SGCZ: variants seen among roughly 807,000 people sequenced by gnomAD.
The protein encoded by SGCZ is zeta-sarcoglycan.
Under a neutral mutation model 41.3 loss-of-function variants are expected in SGCZ, and 40 were observed. That is an observed-to-expected ratio of 0.97 (90% CI 0.75 to 1.26). The LOEUF (loss-of-function observed/expected upper bound fraction) is 1.26. Ranked by LOEUF, SGCZ falls within the 50% of genes most tolerant of loss-of-function variation. The pLI is 0.00. For missense variants in SGCZ, 552 were observed against 369.8 expected (o/e 1.49, Z -4.04); for synonymous variants, 206 against 137.5 (o/e 1.50, Z -3.49).
chr8:14,558,267 C>T (rs766044272), intron 1 of SGCZ, among the ~76,000 whole-genome samples: 64 of 152,032 alleles, frequency 4.2e-4, no homozygotes, highest in Non-Finnish European at 7.4e-4. Context: ...CCTGTTGACA[C>T]TATTCCAAAA....
At chr8:14,107,752 T>A (rs1802250932) in intron 6 of SGCZ, among the ~76,000 whole-genome samples, 1 of 152,088 alleles carries the variant, frequency 6.6e-6, no homozygotes, top group South Asian at 2.1e-4. Context: ...AATCCTCTGG[T>A]CTCAGCCTCC....
intron 1 of SGCZ, among the ~76,000 whole-genome samples, chr8:14,792,450 C>G (rs1278301702): frequency 6.6e-6 from 1 of 152,154 alleles, no homozygotes; most frequent in Non-Finnish European, 1.5e-5. Flanking sequence ...TCCATTCATG[C>G]TTCTATCCTC....
At chr8:14,598,823 C>T (rs1805497386) in intron 1 of SGCZ, among the ~76,000 whole-genome samples, 1 of 152,028 alleles carries the variant, frequency 6.6e-6, no homozygotes, top group Admixed American at 6.6e-5. Flanking sequence ...GGCAGTGTAC[C>T]AGCCAAAAAG....
At chr8:14,196,945 GA>G (rs1315744957) in intron 4 of SGCZ, among the ~76,000 whole-genome samples, 2 of 152,142 alleles carry the variant, frequency 1.3e-5, no homozygotes, top group African/African-American at 4.8e-5. Context: ...ATGGATGACG[GA>G]AAGGCATATA....
chr8:14,745,602 G>C (rs1191375865), intron 1 of SGCZ, among the ~76,000 whole-genome samples: 3 of 151,866 alleles, frequency 2.0e-5, no homozygotes, highest in Non-Finnish European at 4.4e-5. Flanking sequence ...AATATATGTA[G>C]ACATATGTGT....
In SGCZ at chr8:14,602,908, A is replaced by T. The variant is rs148500264; in HGVS notation, c.40-47982T>A. ...AGGAAGTAACACTATCAACTAAGGA[A>T]ATGGAGATTTGATAAGCAAGCCATG... On this transcript the variant is annotated intron_variant, in intron 1 of 7. Coordinates refer to ENST00000382080, the MANE Select transcript of SGCZ (RefSeq NM_139167.4). Among the ~76,000 whole-genome samples, 176 of 152,320 alleles carry T rather than the reference A, an allele frequency of 1.2e-3. 2 individuals are homozygous for T. Among genetic ancestry groups the T allele is most frequent in the African/African-American group, 3.5e-3 (147 of 41,576 alleles).
At chr8:14,911,672 A>T (rs749779820) in intron 1 of SGCZ, among the ~76,000 whole-genome samples, 3 of 152,026 alleles carry the variant, frequency 2.0e-5, no homozygotes, top group African/African-American at 4.8e-5. Flanking sequence ...TGTTACAATG[A>T]GAATATATCT....
chr8:14,180,070 GT>G (rs1227633920), intron 4 of SGCZ, among the ~76,000 whole-genome samples: 1 of 152,126 alleles, frequency 6.6e-6, no homozygotes, highest in Non-Finnish European at 1.5e-5. Flanking sequence ...TACCTGCAGG[GT>G]TTTGGTCTCA....
At chr8:14,842,847 A>G (rs975706926) in intron 1 of SGCZ, among the ~76,000 whole-genome samples, 10 of 152,166 alleles carry the variant, frequency 6.6e-5, no homozygotes, top group African/African-American at 2.4e-4. Context: ...TGAAAACGGG[A>G]TGCTCCAGGG....
intron 1 of SGCZ, among the ~76,000 whole-genome samples, chr8:14,916,130 C>T (rs1419915898): frequency 6.6e-6 from 1 of 152,142 alleles, no homozygotes; most frequent in Non-Finnish European, 1.5e-5. Flanking sequence ...TTTTGCGTAG[C>T]AGATAAATTT....
chr8:14,440,329 T>G (rs1376813526), intron 2 of SGCZ, among the ~76,000 whole-genome samples: 5 of 152,118 alleles, frequency 3.3e-5, no homozygotes, highest in Non-Finnish European at 5.9e-5. Flanking sequence ...TCTTTGTTCA[T>G]GTAGCTTAAG....
At chr8:14,903,854 G>T (rs1799044928) in intron 1 of SGCZ, among the ~76,000 whole-genome samples, 1 of 151,922 alleles carries the variant, frequency 6.6e-6, no homozygotes, top group Non-Finnish European at 1.5e-5. Flanking sequence ...AAGTGAAGAG[G>T]ATTTAAATAG....
chr8:14,927,271 C>G (rs1402394539), intron 1 of SGCZ, among the ~76,000 whole-genome samples: 3 of 151,568 alleles, frequency 2.0e-5, no homozygotes, highest in East Asian at 3.9e-4. Flanking sequence ...ACCACGCCCG[C>G]CTAATTTTTT....
chr8:14,216,197 C>A (rs932926024), intron 4 of SGCZ, among the ~76,000 whole-genome samples: 2 of 152,112 alleles, frequency 1.3e-5, no homozygotes, highest in Non-Finnish European at 2.9e-5. Context: ...TCTTTACATC[C>A]CCTTGTTATC....
intron 1 of SGCZ, among the ~76,000 whole-genome samples, chr8:14,574,365 T>A (rs1804646615): frequency 2.6e-5 from 4 of 152,106 alleles, no homozygotes; most frequent in African/African-American, 9.7e-5. Context: ...GAAACCAGAA[T>A]CACTTTCCCT....
At chr8:14,335,781 C>T (rs1454255600) in intron 2 of SGCZ, among the ~76,000 whole-genome samples, 1 of 152,116 alleles carries the variant, frequency 6.6e-6, no homozygotes, top group Non-Finnish European at 1.5e-5. Flanking sequence ...CAACAGTCTT[C>T]CCAGAGCTTG....
intron 1 of SGCZ, among the ~76,000 whole-genome samples, chr8:14,800,497 T>C (rs1017205779): frequency 2.6e-5 from 4 of 152,198 alleles, no homozygotes; most frequent in African/African-American, 7.2e-5. Flanking sequence ...CCAAATCTCA[T>C]CATGAATTGT....
chr8:14,757,771 G>C (rs945964333), intron 1 of SGCZ, among the ~76,000 whole-genome samples: 1 of 152,096 alleles, frequency 6.6e-6, no homozygotes, highest in Non-Finnish European at 1.5e-5. Context: ...TTCCCAACAA[G>C]GGATGACAGA....
At chr8:15,171,942 C>A (rs143882505) in intron 1 of SGCZ, among the ~76,000 whole-genome samples, 1 of 152,176 alleles carries the variant, frequency 6.6e-6, no homozygotes, top group African/African-American at 2.4e-5. Flanking sequence ...GAACAGAGTG[C>A]CTTCTCACTC....
Sources: gnomAD v4.1 joint callset for allele counts (sites outside exome capture counted in the v4.1 genomes callset) on GRCh38, gnomAD v4.1.1 for gene constraint, MANE v1.5 for transcripts, NCBI Gene and HGNC (gene_info 2026-07-23, HGNC 2026-07-21) for gene names.